Variants in NRXN1 observed in about 807,000 individuals in gnomAD.
NRXN1 encodes the protein neurexin-1.
NRXN1 carries 39 observed loss-of-function variants against 150.9 expected under a neutral mutation model. That is an observed-to-expected ratio of 0.26 (90% confidence interval 0.20 to 0.34). The LOEUF (loss-of-function observed/expected upper bound fraction) is 0.34. Among genes scored for constraint, NRXN1 ranks in the 10% least tolerant of loss-of-function variants. The probability of loss-of-function intolerance (pLI) is 1.00; values close to 1 mark genes in which losing one functional copy is unlikely to be tolerated. For synonymous variants in NRXN1, 924 were observed against 757.0 expected (o/e 1.22, Z -3.62); for missense variants, 1,815 against 1,949.9 (o/e 0.93, Z 1.30).
intron 2 of NRXN1, among the ~76,000 whole-genome samples, chr2:50,943,423 T>A (rs1689802525): frequency 6.6e-6 from 1 of 152,196 alleles, no homozygotes; most frequent in South Asian, 2.1e-4. Context: ...TCCAGAGTGG[T>A]TAAGCTGCTA....
chr2:50,631,105 T>C, intron 5 of NRXN1: 1 of 453,900 alleles, frequency 2.2e-6, no homozygotes. Context: ...CACATTACTT[T>C]CAAGGGAGAG....
At chr2:50,299,344 T>C (rs1214891385) in intron 17 of NRXN1, among the ~76,000 whole-genome samples, 2 of 152,128 alleles carry the variant, frequency 1.3e-5, no homozygotes, top group African/African-American at 4.8e-5. Context: ...CCAGCAGAAC[T>C]TTTGCAGTTC....
intron 21 of NRXN1, among the ~76,000 whole-genome samples, chr2:49,972,148 G>A (rs566746275): frequency 2.0e-5 from 3 of 152,292 alleles, no homozygotes; most frequent in East Asian, 3.9e-4. Flanking sequence ...CTAGAATTTT[G>A]TAAGAGTCAT....
intron 5 of NRXN1, among the ~76,000 whole-genome samples, chr2:50,901,211 G>C (rs1407456355): frequency 6.6e-6 from 1 of 152,030 alleles, no homozygotes; most frequent in African/African-American, 2.4e-5. Context: ...TTTGAACTGA[G>C]TGAACAGAAT....
chr2:50,120,770 T>A (rs1298090204), intron 18 of NRXN1, among the ~76,000 whole-genome samples: 1 of 152,202 alleles, frequency 6.6e-6, no homozygotes, highest in Non-Finnish European at 1.5e-5. Flanking sequence ...TTTTCACATA[T>A]TATTAAACAA....
chr2:50,427,800 T>G (rs1259325934), intron 17 of NRXN1, among the ~76,000 whole-genome samples: 1 of 152,230 alleles, frequency 6.6e-6, no homozygotes, highest in Admixed American at 6.5e-5. Flanking sequence ...GAATACATTT[T>G]TAAAAATTTC....
At chr2:50,413,685 T>C (rs1205718067) in intron 17 of NRXN1, among the ~76,000 whole-genome samples, 5 of 152,112 alleles carry the variant, frequency 3.3e-5, no homozygotes, top group Admixed American at 1.3e-4. Flanking sequence ...ACTGAGTATA[T>C]ACCCCAAAGA....
chr2:50,474,705 A>AAAC (rs2089837267), intron 15 of NRXN1, among the ~76,000 whole-genome samples: 1 of 150,362 alleles, frequency 6.7e-6, no homozygotes, highest in Non-Finnish European at 1.5e-5. Flanking sequence ...AAAAAAAAAA[A>AAAC]AGTCCAACCT....
intron 18 of NRXN1, among the ~76,000 whole-genome samples, chr2:50,207,948 C>T (rs2062734285): frequency 6.6e-6 from 1 of 152,014 alleles, no homozygotes; most frequent in Non-Finnish European, 1.5e-5. Flanking sequence ...ACCTGCTTTT[C>T]CCCTTTCTTC....
rs529726562 is a variant in NRXN1 at position 50,287,191 on chromosome 2, G to C, written c.3365-50221C>G. ...TTACGTTCAGTGCTTTACATGTTTT[G>C]TGTACCTAGGTCTCACATTTAATAT... On this transcript the variant is annotated intron_variant, in intron 17 of 22. Transcript: ENST00000401669. Among the ~76,000 whole-genome samples the C allele has an allele frequency of 2.1e-3, 322 of 152,142 alleles. 1 individual carries two copies. Among genetic ancestry groups the C allele is most frequent in the African/African-American group, 7.3e-3 (302 of 41,528 alleles).
At chr2:50,248,902 T>G (rs1349533811) in intron 17 of NRXN1, among the ~76,000 whole-genome samples, 2 of 152,094 alleles carry the variant, frequency 1.3e-5, no homozygotes, top group Non-Finnish European at 2.9e-5. Context: ...ATCCCAGCAC[T>G]TTGGGAGGCC....
chr2:50,149,375 G>T (rs1245410549), intron 18 of NRXN1, among the ~76,000 whole-genome samples: 1 of 151,662 alleles, frequency 6.6e-6, no homozygotes, highest in East Asian at 1.9e-4. Context: ...ACACCAAATT[G>T]TCACCACTAC....
At chr2:50,859,545 G>C (rs1675793354) in intron 5 of NRXN1, among the ~76,000 whole-genome samples, 1 of 150,676 alleles carries the variant, frequency 6.6e-6, no homozygotes, top group Non-Finnish European at 1.5e-5. Flanking sequence ...TCTTTTTTGA[G>C]GGGAAAAGGG....
At chr2:50,911,636 G>C (rs764874710) in intron 5 of NRXN1, among the ~76,000 whole-genome samples, 12 of 151,834 alleles carry the variant, frequency 7.9e-5, no homozygotes, top group East Asian at 1.9e-4. Flanking sequence ...ATTTGTGCCA[G>C]ATTTTAAACG....
chr2:50,048,517 G>A (rs1230174144), intron 21 of NRXN1, among the ~76,000 whole-genome samples: 1 of 152,012 alleles, frequency 6.6e-6, no homozygotes, highest in East Asian at 1.9e-4. Flanking sequence ...ATTTTTCAAG[G>A]AAATGTGTGT....
chr2:50,152,806 T>A (rs1047226437), intron 18 of NRXN1, among the ~76,000 whole-genome samples: 1 of 151,716 alleles, frequency 6.6e-6, no homozygotes, highest in African/African-American at 2.4e-5. Context: ...GGTTTCCCTT[T>A]GAATTCATCC....
intron 17 of NRXN1, among the ~76,000 whole-genome samples, chr2:50,390,430 G>T (rs559671430): frequency 6.6e-6 from 1 of 152,214 alleles, no homozygotes; most frequent in East Asian, 1.9e-4. Flanking sequence ...ATTCCTGAGA[G>T]CAACTAATTT....
intron 17 of NRXN1, among the ~76,000 whole-genome samples, chr2:50,372,903 A>G (rs987222572): frequency 6.6e-6 from 1 of 152,154 alleles, no homozygotes; most frequent in Non-Finnish European, 1.5e-5. Flanking sequence ...ATACACTTCA[A>G]AAACACACCT....
chr2:50,049,414 G>A (rs770720664), intron 21 of NRXN1, among the ~76,000 whole-genome samples: 3 of 152,114 alleles, frequency 2.0e-5, no homozygotes, highest in African/African-American at 7.2e-5. Flanking sequence ...CAAGGCCAAA[G>A]TACAATGATG....
Sources: gnomAD v4.1 joint callset for allele counts (sites outside exome capture counted in the v4.1 genomes callset) on GRCh38, gnomAD v4.1.1 for gene constraint, MANE v1.5 for transcripts, NCBI Gene and HGNC (gene_info 2026-07-23, HGNC 2026-07-21) for gene names.